The following IARS1 variants were observed in gnomAD, a reference collection of about 807,000 sequenced individuals.
IARS1 encodes isoleucyl-tRNA synthetase 1.
In IARS1, 124 loss-of-function variants were observed where a neutral mutation model predicts 168.2. That is an observed-to-expected ratio of 0.74 (90% CI 0.64 to 0.86). The LOEUF is 0.86. Ranked by LOEUF, IARS1 falls within the 40% of genes least tolerant of loss-of-function variation. The pLI, the probability that IARS1 is intolerant of heterozygous loss-of-function variation, is 0.00. For missense variants in IARS1, 1,452 were observed against 1,515.8 expected, an observed-to-expected ratio of 0.96 and a Z score of 0.70; for synonymous variants, 532 against 529.4, an observed-to-expected ratio of 1.00 and a Z score of -0.07.
chr9:92,270,007 T>C (rs1298502924), intron 12 of IARS1, 24 bp from the exon 13 acceptor site: 5 of 1,486,374 alleles, frequency 3.4e-6, no homozygotes, highest in South Asian at 1.1e-5. Context: ...AACACACACA[T>C]AGCTGCTCAG....
rs765617323 is a variant in IARS1 at position 92,242,293 on chromosome 9, T to C, written c.3038A>G (p.Tyr1013Cys). The C allele has an allele frequency of 3.7e-6, 6 of 1,613,740 alleles. No homozygotes were observed. The highest frequency in any genetic ancestry group is 1.7e-5 in the Admixed American group (1 of 59,946). Residue 1013 changes from tyrosine (Y) to cysteine (C), a missense_variant, in exon 29 of 34, where the codon TAT (tyrosine) becomes TGT (cysteine). Tyr to Cys is a radical substitution (Grantham distance 194, BLOSUM62 -2). Transcript: ENST00000443024. Reference sequence around the variant, plus strand: ...ATATGTTCCTTCAGACTTTGCTTTATAGTACACTGTGATTTCATCAGTTGG... The same window carrying C: ...ATATGTTCCTTCAGACTTTGCTTTACAGTACACTGTGATTTCATCAGTTGG... The part of the protein sequence containing the change: ...LVPTDEITVY[Y>C]KAKSEGTYLN...
intron 31 of IARS1, among the ~76,000 whole-genome samples, chr9:92,228,657 T>A (rs1385120540): frequency 6.6e-6 from 1 of 152,192 alleles, no homozygotes; most frequent in East Asian, 1.9e-4. Flanking sequence ...GAGGGTGCAG[T>A]GAGCCATGAC....
intron 33 of IARS1, among the ~76,000 whole-genome samples, chr9:92,215,080 C>G (rs897734096): frequency 1.1e-4 from 16 of 152,176 alleles, no homozygotes; most frequent in African/African-American, 3.6e-4. Flanking sequence ...GATCTGAGAA[C>G]GGGCAGACTG....
intron 6 of IARS1, among the ~76,000 whole-genome samples, chr9:92,285,015 T>G (rs1049068585): frequency 6.6e-6 from 1 of 152,220 alleles, no homozygotes; most frequent in Non-Finnish European, 1.5e-5. Context: ...AAATAAAACG[T>G]GCTTTGAAAG....
At chr9:92,219,194 T>C (rs1198581310) in intron 33 of IARS1, among the ~76,000 whole-genome samples, 2 of 152,270 alleles carry the variant, frequency 1.3e-5, no homozygotes, top group Admixed American at 6.5e-5. Context: ...ATTTAATAAA[T>C]GGTGCTGGGA....
At chr9:92,232,611 G>A (rs1462659666) in intron 30 of IARS1, among the ~76,000 whole-genome samples, 1 of 152,124 alleles carries the variant, frequency 6.6e-6, no homozygotes, top group African/African-American at 2.4e-5. Context: ...GAGGAATCTT[G>A]GAAAAGGAAT....
intron 26 of IARS1, among the ~76,000 whole-genome samples, chr9:92,246,685 G>A (rs1164973034): frequency 1.3e-5 from 2 of 152,136 alleles, no homozygotes; most frequent in Non-Finnish European, 2.9e-5. Flanking sequence ...TAACTGGGAT[G>A]GCAGGCACAT....
In IARS1 at chr9:92,293,614, A is replaced by AG. The variant is rs1836763902; in HGVS notation, c.-12dup. 3 of 353,436 alleles carry AG rather than the reference A, an allele frequency of 8.5e-6. No individual in the cohort carries two copies. Among genetic ancestry groups the AG allele is most frequent in the African/African-American group, 2.1e-5 (1 of 46,552 alleles). The allele number at this position is 353,436 out of a possible 1,614,324, so 21.9% of individuals were successfully genotyped here. A position where few individuals can be genotyped will look rare whatever the true frequency, so the allele number is the denominator to read the frequency against. ...CTGCAGGGAAGAGAGGGCGTACCTG[A>AG]GGGGCCTCGCGTGCCTGGACAGCCC... is the stretch of plus-strand genomic sequence containing the variant. On this transcript the variant is annotated 5_prime_UTR_variant, in exon 1 of 34. Coordinates refer to ENST00000443024, the MANE Select transcript of IARS1 (RefSeq NM_002161.6).
intron 19 of IARS1, 108 bp from the exon 20 acceptor site, chr9:92,256,908 AC>A (rs1830811685): frequency 9.8e-7 from 1 of 1,022,022 alleles, no homozygotes; most frequent in African/African-American, 1.6e-5. Flanking sequence ...AAAATCCCAG[AC>A]CCTACTGGCA....
intron 30 of IARS1, among the ~76,000 whole-genome samples, chr9:92,235,845 G>C (rs185387377): frequency 1.2e-4 from 18 of 151,814 alleles, no homozygotes; most frequent in Non-Finnish European, 2.4e-4. Context: ...TTTAAATATT[G>C]AATCAGCCTT....
intron 16 of IARS1, among the ~76,000 whole-genome samples, chr9:92,264,288 T>TCA (rs1831958420): frequency 1.4e-5 from 2 of 143,374 alleles, no homozygotes; most frequent in Non-Finnish European, 3.0e-5. Context: ...TGAGCCGAGA[T>TCA]CACACCCCTG....
At chr9:92,214,659 C>G (rs372251820) in intron 33 of IARS1, among the ~76,000 whole-genome samples, 211 of 152,162 alleles carry the variant, frequency 1.4e-3, no homozygotes, top group African/African-American at 4.6e-3. Context: ...AAAGGGGTGA[C>G]GGACGGCACC....
intron 7 of IARS1, among the ~76,000 whole-genome samples, chr9:92,280,135 A>G (rs1339682773): frequency 6.6e-6 from 1 of 152,170 alleles, no homozygotes. Context: ...GACTGCTTTC[A>G]ATTCTTTGGG....
chr9:92,287,751 T>A (rs1034830032), intron 4 of IARS1, 40 bp downstream of exon 4: 21 of 1,586,038 alleles, frequency 1.3e-5, no homozygotes, highest in Non-Finnish European at 1.7e-5. Context: ...ATTTAGTAAC[T>A]ACATTTGCTG....
intron 22 of IARS1, chr9:92,251,176 C>G (rs749862840): frequency 5.0e-5 from 23 of 463,932 alleles, no homozygotes; most frequent in South Asian, 2.8e-4. Context: ...GAAAATACCC[C>G]CTGCTTCACA....
At chr9:92,266,495 G>GCA (rs1832303205) in intron 14 of IARS1, among the ~76,000 whole-genome samples, 1 of 152,282 alleles carries the variant, frequency 6.6e-6, no homozygotes. Context: ...AATTCTGCAG[G>GCA]CAACTGTAAC....
intron 14 of IARS1, among the ~76,000 whole-genome samples, chr9:92,265,867 C>G (rs903540505): frequency 6.6e-6 from 1 of 152,288 alleles, no homozygotes; most frequent in South Asian, 2.1e-4. Flanking sequence ...CCATGCTGCC[C>G]AGGCTGGTCT....
At chr9:92,265,364 C>A in intron 15 of IARS1, 116 bp downstream of exon 15, 1 of 1,002,728 alleles carries the variant, frequency 1.0e-6, no homozygotes, top group Admixed American at 1.8e-5. Flanking sequence ...CATGAGTCAT[C>A]AGCAAAGTAA....
At position 92,222,619 on chromosome 9, in the gene IARS1, T is replaced by C. The variant is rs377483877; in HGVS notation, c.3607A>G (p.Asn1203Asp). Reference protein sequence around the residue: ...TLLLENPLGQNGLTHQGLLYE... With the variant: ...TLLLENPLGQDGLTHQGLLYE... ...AGAAGACCTTGGTGGGTGAGTCCAT[T>C]CTGCCCAAGTGGGTTTTCAAGCAGG... The change falls in exon 33 of 34, where the codon AAT becomes GAT. Residue 1203 changes from asparagine to aspartate, a missense_variant. Physicochemically the swap from Asn to Asp is conservative, Grantham distance 23. Transcript: ENST00000443024. The C allele has an allele frequency of 1.2e-6, 2 of 1,613,900 alleles. No individual in the cohort carries two copies. Among genetic ancestry groups the C allele is most frequent in the Non-Finnish European group, 1.7e-6 (2 of 1,179,986 alleles).
Sources: gnomAD v4.1 joint callset for allele counts (sites outside exome capture counted in the v4.1 genomes callset) on GRCh38, gnomAD v4.1.1 for gene constraint, MANE v1.5 for transcripts, NCBI Gene and HGNC (gene_info 2026-07-23, HGNC 2026-07-21) for gene names.